The following NID1 variants were observed in gnomAD, a reference collection of about 807,000 sequenced individuals.
NID1 encodes nidogen 1.
A neutral mutation model predicts 130.6 loss-of-function variants in NID1; 76 were observed. The ratio of observed to expected loss-of-function variants is 0.58; its 90% CI spans 0.48 to 0.70. NID1 has a LOEUF of 0.70. NID1 is among the 30% of genes least tolerant of loss of function. NID1 has a pLI of 0.00. For synonymous variants in NID1, 665 were observed against 675.1 expected, an observed-to-expected ratio of 0.98 and a Z score of 0.23; for missense variants, 1,517 against 1,664.8, an observed-to-expected ratio of 0.91 and a Z score of 1.54.
At chr1:236,060,353 G>T (rs1336234594) in intron 1 of NID1, among the ~76,000 whole-genome samples, 1 of 152,096 alleles carries the variant, frequency 6.6e-6, no homozygotes, top group African/African-American at 2.4e-5. Context: ...GTTTTGATAG[G>T]TTTGGCCGGC....
rs752021692 is a variant in NID1, at chr1:236,064,870, G to A, written c.210C>T (p.Asp70=). ...SGALRFYDRS[D]IDAVYVTTNG... ...GCTCACTCACGTAGACTGCGTCGAT[G>A]TCGGATCTGTCGTAGAAGCGGAGCG... Residue 70 remains aspartate (D), a synonymous_variant, in exon 1 of 20, where the codon GAC becomes GAT. Transcript: ENST00000264187. 24 of 1,611,788 alleles carry A rather than the reference G, an allele frequency of 1.5e-5. No homozygotes were observed. The South Asian group carries it at 2.5e-4, about 17-fold the overall frequency.
At chr1:236,014,592 T>C (rs1658530071) in intron 10 of NID1, among the ~76,000 whole-genome samples, 1 of 152,042 alleles carries the variant, frequency 6.6e-6, no homozygotes, top group African/African-American at 2.4e-5. Context: ...CTTCCATGAG[T>C]TCTATCATCA....
chr1:236,056,295 C>T (rs189763368), intron 1 of NID1, among the ~76,000 whole-genome samples: 3 of 152,260 alleles, frequency 2.0e-5, no homozygotes, highest in Admixed American at 6.5e-5. Context: ...AGAAGAGGGA[C>T]TCCTTCACTG....
chr1:236,036,292 A>G (rs1315441039), intron 5 of NID1, among the ~76,000 whole-genome samples: 1 of 152,234 alleles, frequency 6.6e-6, no homozygotes, highest in Non-Finnish European at 1.5e-5. Context: ...AAAATTAATA[A>G]GTAAAGCATA....
At chr1:236,029,023 A>G (rs1659019877) in intron 7 of NID1, among the ~76,000 whole-genome samples, 1 of 152,056 alleles carries the variant, frequency 6.6e-6, no homozygotes, top group Non-Finnish European at 1.5e-5. Context: ...CTAAAAATAC[A>G]AAAATTAGCC....
chr1:236,029,442 C>G (rs1277756330), intron 7 of NID1, 108 bp downstream of exon 7: 1 of 1,055,296 alleles, frequency 9.5e-7, no homozygotes, highest in Admixed American at 2.1e-5. Flanking sequence ...GGTGTATTTC[C>G]CTCTCCAGAT....
At chr1:236,031,545 TCC>T (rs1237093191) in intron 6 of NID1, among the ~76,000 whole-genome samples, 109 of 152,368 alleles carry the variant, frequency 7.2e-4, no homozygotes, top group African/African-American at 2.5e-3. Flanking sequence ...CAGCAGTGTT[TCC>T]TCTAATAAAG....
intron 1 of NID1, among the ~76,000 whole-genome samples, chr1:236,051,854 C>G (rs577554959): frequency 7.2e-5 from 11 of 152,324 alleles, no homozygotes; most frequent in African/African-American, 2.6e-4. Context: ...TTTGAAAACA[C>G]TCTCAGTGTC....
In NID1 at chr1:236,032,385, G is replaced by A. The variant is rs1405606568; in HGVS notation, c.1537+16C>T. On this transcript the variant is annotated intron_variant, in intron 6 of 19. Transcript: ENST00000264187. Reference sequence around the variant, plus strand: ...TACTGTGTGACCCACTAATTTTAATGTCGGATATAAATTACCGGTGATGCT... The same window carrying A: ...TACTGTGTGACCCACTAATTTTAATATCGGATATAAATTACCGGTGATGCT... The A allele has an allele frequency of 1.2e-5, 20 of 1,611,884 alleles. No individual in the cohort carries two copies. The highest frequency in any genetic ancestry group is 2.2e-5 in the East Asian group (1 of 44,886).
At chr1:236,063,471 C>CAAAAAAA (rs34798558) in intron 1 of NID1, among the ~76,000 whole-genome samples, 3 of 136,932 alleles carry the variant, frequency 2.2e-5, no homozygotes, top group Admixed American at 7.2e-5. Context: ...GACTCTGTCT[C>CAAAAAAA]AAAAAAAAAA....
intron 2 of NID1, 134 bp from the exon 3 acceptor site, chr1:236,045,817 G>T: frequency 1.4e-6 from 1 of 692,786 alleles, no homozygotes. Context: ...TCTAAAAGAA[G>T]GACTTTTGTA....
Position 236,048,737 on chromosome 1 carries a change from C to G in NID1, c.478G>C (p.Val160Leu). ...SSAVVVTWES[V>L]APYQGPSRDP... ...CTGCTGGGCCCTTGGTAGGGGGCCA[C>G]GGATTCCCAAGTGACAACCACCGCG... Residue 160 changes from valine to leucine, a missense_variant, in exon 2 of 20, where the codon GTG (valine) becomes CTG (leucine). Physicochemically the swap from Val to Leu is conservative, Grantham distance 32. Around this residue, in one of 3 missense-constraint regions of NID1, gnomAD observed 1,329 missense variants for 1,429.2 expected, o/e 0.93. Transcript: ENST00000264187. 2 of 1,612,698 alleles carry G rather than the reference C, an allele frequency of 1.2e-6. No homozygotes were observed. Among genetic ancestry groups the G allele is most frequent in the Non-Finnish European group, 1.7e-6 (2 of 1,180,012 alleles).
At chr1:235,998,568 G>C (rs1191685529) in intron 12 of NID1, among the ~76,000 whole-genome samples, 1 of 152,010 alleles carries the variant, frequency 6.6e-6, no homozygotes, top group South Asian at 2.1e-4. Context: ...CCAGCTACTC[G>C]GGAGGCTGAG....
intron 12 of NID1, among the ~76,000 whole-genome samples, chr1:236,002,095 C>T (rs1460891998): frequency 1.3e-5 from 2 of 152,202 alleles, no homozygotes; most frequent in African/African-American, 4.8e-5. Context: ...AAGATGAGGG[C>T]CCTGGTCAGT....
intron 1 of NID1, among the ~76,000 whole-genome samples, chr1:236,063,228 T>C (rs1033584186): frequency 6.6e-6 from 1 of 151,014 alleles, no homozygotes; most frequent in Non-Finnish European, 1.5e-5. Context: ...TCCCAGCACT[T>C]TGGGAAGCTG....
intron 2 of NID1, among the ~76,000 whole-genome samples, chr1:236,046,164 A>C (rs974344429): frequency 4.6e-5 from 7 of 152,184 alleles, no homozygotes; most frequent in Non-Finnish European, 8.8e-5. Context: ...TGCTCTACTC[A>C]TTATTATGTG....
intron 12 of NID1, 21 bp from the exon 13 acceptor site, chr1:235,993,893 A>C (rs746052702): frequency 1.3e-6 from 2 of 1,596,714 alleles, no homozygotes; most frequent in South Asian, 1.1e-5. Flanking sequence ...AACAGGCAAC[A>C]AGAAAGCTGT....
intron 4 of NID1, 133 bp downstream of exon 4, chr1:236,041,777 G>A: frequency 8.8e-7 from 1 of 1,142,178 alleles, no homozygotes; most frequent in Non-Finnish European, 1.2e-6. Context: ...TGAGAGTTCA[G>A]CCTCTACTTT....
chr1:236,036,420 A>T (rs1326444032), intron 5 of NID1, among the ~76,000 whole-genome samples: 1 of 152,248 alleles, frequency 6.6e-6, no homozygotes, highest in Non-Finnish European at 1.5e-5. Context: ...GAATTTAATT[A>T]TAACTATGGC....
Sources: allele counts gnomAD v4.1 joint callset (sites outside exome capture counted in the v4.1 genomes callset), GRCh38; gene constraint gnomAD v4.1.1; regional missense constraint gnomAD v4.1.1; transcripts MANE v1.5; gene names NCBI Gene and HGNC (gene_info 2026-07-23, HGNC 2026-07-21).